GPRIN3: variants seen among roughly 807,000 people sequenced by gnomAD.
GPRIN3 encodes GPRIN family member 3.
GPRIN3 carries 12 observed loss-of-function variants against 13.7 expected under a neutral mutation model. That is an observed-to-expected ratio of 0.87 (90% CI 0.56 to 1.42). GPRIN3 has a LOEUF of 1.42. Among genes scored for constraint, GPRIN3 ranks in the 40% most tolerant of loss-of-function variants. The pLI is 0.00. For synonymous variants in GPRIN3, 377 were observed against 372.7 expected (o/e 1.01, Z -0.13); for missense variants, 1,009 against 958.7 (o/e 1.05, Z -0.69).
chr4:89,256,569 G>A (rs576802625), intron 1 of GPRIN3, among the ~76,000 whole-genome samples: 2 of 152,154 alleles, frequency 1.3e-5, no homozygotes, highest in Non-Finnish European at 2.9e-5. Flanking sequence ...GCCCTGGACC[G>A]ACAGGAGGCT....
chr4:89,306,939 C>A (rs1185751673), intron 1 of GPRIN3, among the ~76,000 whole-genome samples: 1 of 152,080 alleles, frequency 6.6e-6, no homozygotes, highest in East Asian at 1.9e-4. Context: ...GCCTGGAGAG[C>A]ATGAAGATCT....
chr4:89,290,943 A>G lies in GPRIN3; in HGVS notation c.-124+16672T>C, dbSNP rs111900234. On this transcript the variant is annotated intron_variant, in intron 1 of 1. Transcript: ENST00000609438. ...GGTGAACATAACATTATTTTAGGCAACAGAACTGTCAGCTGACATCCAGGG... is the reference window on the plus strand; with the variant it reads ...GGTGAACATAACATTATTTTAGGCAGCAGAACTGTCAGCTGACATCCAGGG... Among the ~76,000 whole-genome samples the G allele has an allele frequency of 4.0e-3, 616 of 152,276 alleles. 7 individuals carry two copies. The highest frequency in any genetic ancestry group is 0.014 in the African/African-American group (582 of 41,552).
intron 1 of GPRIN3, among the ~76,000 whole-genome samples, chr4:89,304,627 T>A (rs1438062783): frequency 2.0e-5 from 3 of 152,176 alleles, no homozygotes; most frequent in Non-Finnish European, 4.4e-5. Flanking sequence ...TTTAAAAATG[T>A]ATGTGGCCTT....
In GPRIN3 at chr4:89,238,519, C is replaced by T. The variant is rs545977286; in HGVS notation, c.*9261G>A. The T allele has an allele frequency of 6.6e-6, 1 of 152,182 alleles. No homozygotes were observed. The highest frequency in any genetic ancestry group is 1.5e-5 in the Non-Finnish European group (1 of 68,260). The allele number at this position is 152,182 out of a possible 1,614,324, so 9.4% of individuals were successfully genotyped here. On this transcript the variant is annotated 3_prime_UTR_variant, in exon 2 of 2. Transcript: ENST00000609438. ...AATCTAAGCGCCCTGGACCCCTACC[C>T]AGCTCTGTTACCCCACCCCCGCCTG...
At chr4:89,281,309 A>G (rs1412258603) in intron 1 of GPRIN3, among the ~76,000 whole-genome samples, 2 of 152,104 alleles carry the variant, frequency 1.3e-5, no homozygotes, top group Admixed American at 1.3e-4. Flanking sequence ...TTTTTAGTAG[A>G]GACGGGGTTT....
intron 1 of GPRIN3, among the ~76,000 whole-genome samples, chr4:89,258,917 A>G (rs1255417331): frequency 6.6e-6 from 1 of 152,224 alleles, no homozygotes; most frequent in Non-Finnish European, 1.5e-5. Context: ...ACTTGTTATG[A>G]GCTCAAATGA....
chr4:89,269,801 G>C (rs1259779100), intron 1 of GPRIN3, among the ~76,000 whole-genome samples: 1 of 152,130 alleles, frequency 6.6e-6, no homozygotes, highest in Non-Finnish European at 1.5e-5. Flanking sequence ...TATGTGGTTT[G>C]AGCACATAAC....
At chr4:89,255,479 G>T (rs966111429) in intron 1 of GPRIN3, among the ~76,000 whole-genome samples, 1 of 152,014 alleles carries the variant, frequency 6.6e-6, no homozygotes, top group Non-Finnish European at 1.5e-5. Context: ...TTTTGTGATG[G>T]GTATCAAGAA....
Position 89,247,744 on chromosome 4 carries a change from G to T in GPRIN3, c.*36C>A. On this transcript the variant is annotated 3_prime_UTR_variant, in exon 2 of 2. Coordinates refer to ENST00000609438, the MANE Select transcript of GPRIN3 (RefSeq NM_198281.3). ...ACATAGAGGGACGCATGTGAATACC[G>T]TAAATTTATACACAAACTCCCATAA... is the stretch of plus-strand genomic sequence containing the variant. The T allele has an allele frequency of 3.2e-6, 5 of 1,557,998 alleles. No homozygotes were observed. The highest frequency in any genetic ancestry group is 4.4e-6 in the Non-Finnish European group (5 of 1,149,380).
chr4:89,279,467 C>A (rs1379415191), intron 1 of GPRIN3, among the ~76,000 whole-genome samples: 1 of 152,176 alleles, frequency 6.6e-6, no homozygotes, highest in African/African-American at 2.4e-5. Flanking sequence ...TTACATATAG[C>A]TCTGCTTTCC....
chr4:89,263,090 A>C (rs552449931), intron 1 of GPRIN3, among the ~76,000 whole-genome samples: 1 of 152,346 alleles, frequency 6.6e-6, no homozygotes, highest in East Asian at 1.9e-4. Context: ...TACTGGGCTT[A>C]ACTGAATTTA....
chr4:89,239,058 T>A lies in GPRIN3; in HGVS notation c.*8722A>T, dbSNP rs1722855151. The A allele has an allele frequency of 6.6e-6, 1 of 152,188 alleles. No homozygotes were observed. Among genetic ancestry groups the A allele is most frequent in the African/African-American group, 2.4e-5 (1 of 41,444 alleles). The allele number at this position is 152,188 out of a possible 1,614,324, so 9.4% of individuals were successfully genotyped here. ...TATAAATTATAACATTTCTTCTTTTTTCTAGGAAATGAAGTTTTATTGGTC... is the reference window on the plus strand; with the variant it reads ...TATAAATTATAACATTTCTTCTTTTATCTAGGAAATGAAGTTTTATTGGTC... On this transcript the variant is annotated 3_prime_UTR_variant, in exon 2 of 2. Transcript: ENST00000609438.
Position 89,302,447 on chromosome 4 carries a change from A to T in GPRIN3, c.-124+5168T>A, listed in dbSNP as rs150502773. Among the ~76,000 whole-genome samples, 379 of 152,276 alleles carry T rather than the reference A, an allele frequency of 2.5e-3. 3 individuals carry two copies. The highest frequency in any genetic ancestry group is 8.8e-3 in the African/African-American group (365 of 41,560). ...GGAATCCTTTTGGGACCTTTATAAAAATACAGATTTCTAAGCCCCACCTCC... is the reference window on the plus strand; with the variant it reads ...GGAATCCTTTTGGGACCTTTATAAATATACAGATTTCTAAGCCCCACCTCC... On this transcript the variant is annotated intron_variant, in intron 1 of 1. Coordinates refer to ENST00000609438, the MANE Select transcript of GPRIN3 (RefSeq NM_198281.3).
intron 1 of GPRIN3, among the ~76,000 whole-genome samples, chr4:89,304,828 A>G (rs757853934): frequency 5.3e-5 from 8 of 152,204 alleles, no homozygotes; most frequent in African/African-American, 1.7e-4. Context: ...TCATTTCTAC[A>G]TAATTCAAAC....
At chr4:89,265,127 G>A (rs1723748367) in intron 1 of GPRIN3, among the ~76,000 whole-genome samples, 1 of 152,154 alleles carries the variant, frequency 6.6e-6, no homozygotes, top group Non-Finnish European at 1.5e-5. Context: ...ATATATAGGT[G>A]AGGTAATCAT....
rs778455243 is a variant in GPRIN3, at chr4:89,247,365, G to A, written c.*415C>T. The A allele has an allele frequency of 6.4e-6, 1 of 155,370 alleles. No individual in the cohort carries two copies. The highest frequency in any genetic ancestry group is 1.4e-5 in the Non-Finnish European group (1 of 70,358). The allele number at this position is 155,370 out of a possible 1,614,324, so 9.6% of individuals were successfully genotyped here. A position where few individuals can be genotyped will look rare whatever the true frequency, so the allele number is the denominator to read the frequency against. ...GACTAGAAATTATAACAATGTTTTC[G>A]CCAATAGTGTTTTTGCTACTTTCAA... On this transcript the variant is annotated 3_prime_UTR_variant, in exon 2 of 2. Coordinates refer to ENST00000609438, the MANE Select transcript of GPRIN3 (RefSeq NM_198281.3).
In GPRIN3 at chr4:89,236,527, A is replaced by T. The variant is rs1412485649; in HGVS notation, c.*11253T>A. ...AGAAGAAAAGAACAATATTTTGCCT[A>T]TGCCATTTAATTCCCACAAATTTGC... On this transcript the variant is annotated 3_prime_UTR_variant, in exon 2 of 2. Transcript: ENST00000609438. 6.6e-5 allele frequency: 10 copies of T among 152,202 alleles called. No homozygotes were observed. The highest frequency in any genetic ancestry group is 3.3e-4 in the Admixed American group (5 of 15,280). 9.4% of individuals were successfully genotyped at this position (152,202 alleles called of 1,614,324 possible).
At chr4:89,270,438 C>T (rs1204379239) in intron 1 of GPRIN3, among the ~76,000 whole-genome samples, 1 of 150,608 alleles carries the variant, frequency 6.6e-6, no homozygotes, top group Non-Finnish European at 1.5e-5. Context: ...ACAAACGACT[C>T]ATCTATTTCT....
chr4:89,305,084 G>T (rs1223659535), intron 1 of GPRIN3, among the ~76,000 whole-genome samples: 1 of 152,154 alleles, frequency 6.6e-6, no homozygotes, highest in Non-Finnish European at 1.5e-5. Flanking sequence ...CTGACCAGAT[G>T]AGTTGGCAGG....
Sources: allele counts gnomAD v4.1 joint callset (sites outside exome capture counted in the v4.1 genomes callset), GRCh38; gene constraint gnomAD v4.1.1; transcripts MANE v1.5; gene names NCBI Gene and HGNC (gene_info 2026-07-23, HGNC 2026-07-21).